The following PLD1 variants were observed in gnomAD, a reference collection of about 807,000 sequenced individuals.
PLD1 encodes choline phosphatase 1.
In PLD1, 112 loss-of-function variants were observed where a neutral mutation model predicts 137.1. The ratio of observed to expected loss-of-function variants is 0.82; its 90% CI spans 0.70 to 0.96. The LOEUF (loss-of-function observed/expected upper bound fraction) is 0.96. PLD1 is among the 40% of genes least tolerant of loss of function. PLD1 has a pLI of 0.00. For synonymous variants in PLD1, 431 were observed against 454.7 expected (o/e 0.95, Z 0.66); for missense variants, 1,321 against 1,342.0 (o/e 0.98, Z 0.24).
chr3:171,668,256 G>C (rs1712363039), intron 19 of PLD1, among the ~76,000 whole-genome samples: 1 of 152,202 alleles, frequency 6.6e-6, no homozygotes, highest in African/African-American at 2.4e-5. Flanking sequence ...AAACGTGTTA[G>C]TCCATGAAGG....
At chr3:171,606,344 G>A (rs887548405) in intron 25 of PLD1, among the ~76,000 whole-genome samples, 2 of 152,232 alleles carry the variant, frequency 1.3e-5, no homozygotes, top group African/African-American at 4.8e-5. Context: ...TATTAAAGAT[G>A]CAAGTGGCAG....
intron 25 of PLD1, among the ~76,000 whole-genome samples, chr3:171,607,450 T>C (rs927760801): frequency 2.6e-5 from 4 of 152,150 alleles, no homozygotes; most frequent in African/African-American, 9.7e-5. Context: ...AGGGCTTGTT[T>C]GTAGAAAAAG....
intron 17 of PLD1, 120 bp downstream of exon 17, chr3:171,677,446 A>T (rs1713496183): frequency 2.0e-6 from 2 of 1,025,360 alleles, no homozygotes; most frequent in South Asian, 1.8e-5. Context: ...GTTTTAAAAA[A>T]TTTTCAAAAA....
At position 171,699,248 on chromosome 3, in the gene PLD1, T is replaced by A. The variant is rs150159755; in HGVS notation, c.1227+497A>T. Among the ~76,000 whole-genome samples the A allele has an allele frequency of 1.0e-3, 154 of 152,270 alleles. 2 individuals carry two copies. The highest frequency in any genetic ancestry group is 8.6e-3 in the Admixed American group (132 of 15,288). The stretch of plus-strand genomic sequence containing the variant: ...AGGGTCAACTCCACAGGAAACAGTT[T>A]CACATTTTTACCAGGAACTTTACCA... On this transcript the variant is annotated intron_variant, in intron 12 of 26. Transcript: ENST00000351298.
intron 24 of PLD1, among the ~76,000 whole-genome samples, 189 bp downstream of exon 24, chr3:171,620,197 C>T (rs1199382889): frequency 6.6e-6 from 1 of 152,052 alleles, no homozygotes; most frequent in African/African-American, 2.4e-5. Flanking sequence ...CTATTCTGTA[C>T]CTATAACAAT....
At chr3:171,614,001 A>G (rs557478827) in intron 24 of PLD1, among the ~76,000 whole-genome samples, 8 of 152,304 alleles carry the variant, frequency 5.3e-5, no homozygotes, top group South Asian at 2.1e-4. Flanking sequence ...CTCTGACTGG[A>G]GCAGCCAGAG....
At chr3:171,766,032 T>C (rs1578443516) in intron 1 of PLD1, among the ~76,000 whole-genome samples, 1 of 152,316 alleles carries the variant, frequency 6.6e-6, no homozygotes, top group East Asian at 1.9e-4. Flanking sequence ...AGGGCAGCAA[T>C]ATAATTGTTC....
chr3:171,755,102 C>T lies in PLD1; in HGVS notation c.-31-17020G>A, dbSNP rs557149530. Among the ~76,000 whole-genome samples, 7 of 152,236 alleles carry T rather than the reference C, an allele frequency of 4.6e-5. 1 individual carries two copies. Among genetic ancestry groups the T allele is most frequent in the African/African-American group, 1.4e-4 (6 of 41,542 alleles). On this transcript the variant is annotated intron_variant, in intron 1 of 26. Transcript: ENST00000351298. The stretch of plus-strand genomic sequence containing the variant: ...TGGAGAAATTCAATCCTGGGCCACA[C>T]GAACTATCTGCCTTCTTGGCACTTA...
chr3:171,623,595 T>C (rs1339734997), intron 23 of PLD1, among the ~76,000 whole-genome samples: 2 of 151,968 alleles, frequency 1.3e-5, no homozygotes, highest in East Asian at 3.9e-4. Flanking sequence ...GTGCTGGGAT[T>C]ACAGGCATGA....
chr3:171,769,265 C>T (rs577236332), intron 1 of PLD1, among the ~76,000 whole-genome samples: 1 of 152,286 alleles, frequency 6.6e-6, no homozygotes, highest in Non-Finnish European at 1.5e-5. Context: ...AACACAGAAA[C>T]TGAGATCCAC....
chr3:171,733,617 G>A (rs1443078320), intron 5 of PLD1, 108 bp from the exon 6 acceptor site: 3 of 535,602 alleles, frequency 5.6e-6, no homozygotes, highest in Admixed American at 3.8e-5. Context: ...ACTTCTACAA[G>A]TTATTCAATT....
chr3:171,669,802 A>G (rs1288768231), intron 19 of PLD1, among the ~76,000 whole-genome samples: 1 of 152,240 alleles, frequency 6.6e-6, no homozygotes, highest in Admixed American at 6.5e-5. Flanking sequence ...TAATTTAACC[A>G]TCACCACAAT....
At chr3:171,678,235 C>T (rs888065624) in intron 16 of PLD1, among the ~76,000 whole-genome samples, 1 of 152,104 alleles carries the variant, frequency 6.6e-6, no homozygotes, top group Non-Finnish European at 1.5e-5. Flanking sequence ...ATGTTCCAGC[C>T]CTGGAATTAA....
intron 21 of PLD1, chr3:171,654,112 C>A: frequency 2.8e-6 from 1 of 361,448 alleles, no homozygotes; most frequent in East Asian, 9.8e-5. Flanking sequence ...GCTAGCCTGG[C>A]CGACATGGTG....
At position 171,709,557 on chromosome 3, in the gene PLD1, T is replaced by TA. The variant is rs1449551918; in HGVS notation, c.1061+2dup. Reference sequence around the variant, plus strand: ...TGACAGGCTTAGAGAAATAATAACTTACCATTTAGCTAAAGCATTCTCTTG... The same window carrying TA: ...TGACAGGCTTAGAGAAATAATAACTTAACCATTTAGCTAAAGCATTCTCTTG... On this transcript the variant is annotated splice_region_variant and intron_variant, in intron 10 of 26. Transcript: ENST00000351298. 1 of 1,613,354 alleles carries TA rather than the reference T, an allele frequency of 6.2e-7. No homozygotes were observed. Among genetic ancestry groups the TA allele is most frequent in the Admixed American group, 1.7e-5 (1 of 59,992 alleles).
intron 16 of PLD1, among the ~76,000 whole-genome samples, chr3:171,681,299 A>G (rs1228545672): frequency 6.6e-6 from 1 of 152,206 alleles, no homozygotes; most frequent in East Asian, 1.9e-4. Flanking sequence ...GGAGTGTAAT[A>G]TAGTAGAGGG....
chr3:171,805,826 G>A (rs1364256588), intron 1 of PLD1, among the ~76,000 whole-genome samples: 1 of 152,176 alleles, frequency 6.6e-6, no homozygotes, highest in African/African-American at 2.4e-5. Context: ...TGGATCCCCA[G>A]CTCTACCATG....
rs187570378 is a variant in PLD1 at position 171,687,578 on chromosome 3, C to T, written c.1546G>A (p.Ala516Thr). ...CTTAAGGATTCCATAGACTCCATTG[C>T]GGCAGGCTGAGAAAAATTTTTTTTT... The part of the protein sequence containing the change: ...GPSLGSLPPA[A>T]MESMESLRLK... Residue 516 changes from alanine (A) to threonine (T), a missense_variant, in exon 15 of 27, where the codon GCA (alanine) becomes ACA (threonine). Transcript: ENST00000351298. 50 of 1,608,794 alleles carry T rather than the reference C, an allele frequency of 3.1e-5. No homozygotes were observed. Among genetic ancestry groups the T allele is most frequent in the East Asian group, 1.3e-4 (6 of 44,860 alleles).
chr3:171,785,668 ACCT>A (rs1722985667), intron 1 of PLD1, among the ~76,000 whole-genome samples: 1 of 152,140 alleles, frequency 6.6e-6, no homozygotes, highest in Admixed American at 6.5e-5. Flanking sequence ...TGAACTCCTG[ACCT>A]CATGATCTGC....
Sources: gnomAD v4.1 joint callset for allele counts (sites outside exome capture counted in the v4.1 genomes callset) on GRCh38, gnomAD v4.1.1 for gene constraint, MANE v1.5 for transcripts, NCBI Gene and HGNC (gene_info 2026-07-23, HGNC 2026-07-21) for gene names.